Variants in ZNF563 observed in about 807,000 individuals in gnomAD.
ZNF563 encodes the protein zinc finger protein 563.
Under a neutral mutation model 48.5 loss-of-function variants are expected in ZNF563, and 39 were observed. The ratio of observed to expected loss-of-function variants is 0.80; its 90% CI spans 0.62 to 1.05. The LOEUF is 1.05. Ranked by LOEUF, ZNF563 falls within the 50% of genes least tolerant of loss-of-function variation. The pLI is 0.00. For synonymous variants in ZNF563, 168 were observed against 187.9 expected (o/e 0.89, Z 0.87); for missense variants, 538 against 597.0 (o/e 0.90, Z 1.03).
upstream of ZNF563, among the ~76,000 whole-genome samples, chr19:12,335,347 T>G (rs546014694): frequency 2.0e-5 from 3 of 152,228 alleles, no homozygotes; most frequent in South Asian, 6.2e-4. Flanking sequence ...AGGCATAAAA[T>G]CAAAACATAC....
At chr19:12,334,738 G>A (rs1260123514), upstream of ZNF563, among the ~76,000 whole-genome samples, 3 of 151,492 alleles carry the variant, frequency 2.0e-5, no homozygotes, top group Non-Finnish European at 2.9e-5. Context: ...GCATGGTGGC[G>A]GGCACCTGTA....
chr19:12,331,197 T>C (rs554526281), intron 1 of ZNF563, among the ~76,000 whole-genome samples: 4 of 152,334 alleles, frequency 2.6e-5, no homozygotes, highest in South Asian at 4.1e-4. Context: ...AAGAAAAAAC[T>C]GAACAGAAAT....
the ZNF563 span, among the ~76,000 whole-genome samples, chr19:12,338,979 C>T: frequency 6.6e-6 from 1 of 152,190 alleles, no homozygotes; most frequent in Non-Finnish European, 1.5e-5. Flanking sequence ...CAGCATAGGA[C>T]CAGCTGGACT....
intron 1 of ZNF563, among the ~76,000 whole-genome samples, chr19:12,330,215 C>T (rs1234009599): frequency 1.3e-5 from 2 of 152,106 alleles, no homozygotes; most frequent in Non-Finnish European, 2.9e-5. Context: ...CCACCACGCC[C>T]GGGGCAGAGG....
the ZNF563 span, among the ~76,000 whole-genome samples, chr19:12,340,063 G>A: frequency 0.049 from 7,422 of 152,222 alleles, 599 homozygotes; most frequent in African/African-American, 0.17. Context: ...GGCCAGGTGC[G>A]GTGGCTCACA....
In ZNF563 at chr19:12,318,557, G is replaced by A. The variant is rs1040630397; in HGVS notation, c.*37C>T. 7 of 1,575,304 alleles carry A rather than the reference G, an allele frequency of 4.4e-6. No homozygotes were observed. Among genetic ancestry groups the A allele is most frequent in the Non-Finnish European group, 6.0e-6 (7 of 1,159,916 alleles). On this transcript the variant is annotated 3_prime_UTR_variant, in exon 4 of 4. Transcript: ENST00000293725. ...GTAAGTTTATTCATGATATCAAAGG[G>A]AACTGGAAATATAGAAGGCTTTATA...
At chr19:12,335,690 G>A (rs866272702), upstream of ZNF563, among the ~76,000 whole-genome samples, 1 of 152,324 alleles carries the variant, frequency 6.6e-6, no homozygotes, top group African/African-American at 2.4e-5. Context: ...GCCTCATACT[G>A]AGAAGGAAGG....
intron 1 of ZNF563, among the ~76,000 whole-genome samples, chr19:12,329,452 G>A (rs1156777795): frequency 7.4e-6 from 1 of 134,716 alleles, no homozygotes; most frequent in Non-Finnish European, 1.5e-5. Context: ...CAGCCTGGGT[G>A]ACAGAGCAAG....
At chr19:12,320,909 G>A (rs947019540) in intron 3 of ZNF563, among the ~76,000 whole-genome samples, 10 of 152,086 alleles carry the variant, frequency 6.6e-5, no homozygotes, top group Non-Finnish European at 1.2e-4. Context: ...GGAGGCCAAG[G>A]CAGGCAGATT....
chr19:12,333,195 C>A (rs1212888014), intron 1 of ZNF563, among the ~76,000 whole-genome samples: 1 of 152,210 alleles, frequency 6.6e-6, no homozygotes, highest in Non-Finnish European at 1.5e-5. Context: ...GACCCTCCCC[C>A]AATCCTGGGG....
In ZNF563 at chr19:12,318,403, A is replaced by T. The variant is rs1968487972; in HGVS notation, c.*191T>A. The T allele has an allele frequency of 1.5e-6, 1 of 677,984 alleles. No individual in the cohort carries two copies. The highest frequency in any genetic ancestry group is 1.8e-5 in the African/African-American group (1 of 55,364). The allele number at this position is 677,984 out of a possible 1,614,324, so 42.0% of individuals were successfully genotyped here. A position where few individuals can be genotyped will look rare whatever the true frequency, so the allele number is the denominator to read the frequency against. ...TATGTTGACAATGGTGTTAAAAAAA[A>T]ATCGATCACTTTCCCACATTCCTTA... On this transcript the variant is annotated 3_prime_UTR_variant, in exon 4 of 4. Transcript: ENST00000293725.
At position 12,318,738 on chromosome 19, in the gene ZNF563, C is replaced by T. The variant is rs139708657; in HGVS notation, c.1287G>A (p.Ala429=). The part of the protein sequence containing the change: ...KPYECKQCGK[A]LSHSSSFRRH... The stretch of plus-strand genomic sequence containing the variant: ...TTCGAAAGCTTGAGCTATGAGATAA[C>T]GCTTTCCCACACTGCTTGCATTCAT... The change falls in exon 4 of 4, where the codon GCG becomes GCA. Residue 429 remains alanine (A), a synonymous_variant. Transcript: ENST00000293725. 2.2e-5 allele frequency: 36 copies of T among 1,614,084 alleles called. No homozygotes were observed. Among genetic ancestry groups the T allele is most frequent in the Admixed American group, 5.0e-5 (3 of 59,998 alleles).
chr19:12,339,421 A>G, the ZNF563 span, among the ~76,000 whole-genome samples: 1 of 151,364 alleles, frequency 6.6e-6, no homozygotes, highest in South Asian at 2.1e-4. Flanking sequence ...CTGGGATTAC[A>G]AGTACCCGCC....
chr19:12,319,453 T>G lies in ZNF563; in HGVS notation c.572A>C (p.Gln191Pro). The change falls in exon 4 of 4, where the codon CAA (glutamine) becomes CCA (proline). Residue 191 changes from glutamine to proline, a missense_variant. Coordinates refer to ENST00000293725, the MANE Select transcript of ZNF563 (RefSeq NM_145276.3). Reference sequence around the variant, plus strand: ...ACATTTATAAGGTCTATTTCCACCTTGCACTACCATGTGTCTTCGAAGGTT... The same window carrying G: ...ACATTTATAAGGTCTATTTCCACCTGGCACTACCATGTGTCTTCGAAGGTT... ...RRNLRRHMVV[Q>P]GGNRPYKCKL... 1 of 1,614,240 alleles carries G rather than the reference T, an allele frequency of 6.2e-7. No homozygotes were observed. The highest frequency in any genetic ancestry group is 8.5e-7 in the Non-Finnish European group (1 of 1,180,046).
At chr19:12,329,199 C>T (rs193033165) in intron 1 of ZNF563, among the ~76,000 whole-genome samples, 5 of 152,208 alleles carry the variant, frequency 3.3e-5, no homozygotes, top group East Asian at 3.9e-4. Context: ...ACAGGCTGGG[C>T]GCGTTGGCTC....
intron 2 of ZNF563, among the ~76,000 whole-genome samples, chr19:12,322,118 T>A (rs1351988178): frequency 6.6e-6 from 1 of 152,080 alleles, no homozygotes; most frequent in Non-Finnish European, 1.5e-5. Context: ...TGCAGTGGCG[T>A]GATCTTGGCT....
chr19:12,320,423 C>T (rs567716643), intron 3 of ZNF563, among the ~76,000 whole-genome samples: 1 of 151,452 alleles, frequency 6.6e-6, no homozygotes, highest in Non-Finnish European at 1.5e-5. Flanking sequence ...GTTCATGCAA[C>T]CTTGACCTCC....
In ZNF563 at chr19:12,321,260, A is replaced by G. The variant is rs774179950; in HGVS notation, c.191+12T>C. ...TTCAGAAACATAACTTTCTCCTGTGAGTGCAAATTACCTTAGATTTCTCCT... is the reference window on the plus strand; with the variant it reads ...TTCAGAAACATAACTTTCTCCTGTGGGTGCAAATTACCTTAGATTTCTCCT... On this transcript the variant is annotated intron_variant, in intron 3 of 3. Coordinates refer to ENST00000293725, the MANE Select transcript of ZNF563 (RefSeq NM_145276.3). 6.4e-7 allele frequency: 1 copy of G among 1,554,376 alleles called. No homozygotes were observed. Among genetic ancestry groups the G allele is most frequent in the Non-Finnish European group, 8.7e-7 (1 of 1,145,932 alleles).
At chr19:12,326,406 G>A (rs1450689662) in intron 1 of ZNF563, among the ~76,000 whole-genome samples, 1 of 152,154 alleles carries the variant, frequency 6.6e-6, no homozygotes, top group African/African-American at 2.4e-5. Flanking sequence ...CACTTTGGGA[G>A]GCCGAGGGGA....
Sources: allele counts gnomAD v4.1 joint callset (sites outside exome capture counted in the v4.1 genomes callset), GRCh38; gene constraint gnomAD v4.1.1; transcripts MANE v1.5; gene names NCBI Gene and HGNC (gene_info 2026-07-23, HGNC 2026-07-21).